SNTG2: variants seen among roughly 807,000 people sequenced by gnomAD.
The protein encoded by SNTG2 is gamma-2-syntrophin.
Under a neutral mutation model 70.9 loss-of-function variants are expected in SNTG2, and 74 were observed. The ratio of observed to expected loss-of-function variants is 1.04; its 90% CI spans 0.86 to 1.27. The LOEUF (loss-of-function observed/expected upper bound fraction) is 1.27, where lower values mean the gene tolerates loss of function less well. Ranked by LOEUF, SNTG2 falls within the 50% of genes most tolerant of loss-of-function variation. The pLI is 0.00. For synonymous variants in SNTG2, 278 were observed against 273.8 expected, an observed-to-expected ratio of 1.02 and a Z score of -0.15; for missense variants, 717 against 690.7, an observed-to-expected ratio of 1.04 and a Z score of -0.43.
At chr2:1,281,122 A>G (rs1297720482) in intron 14 of SNTG2, among the ~76,000 whole-genome samples, 2 of 151,826 alleles carry the variant, frequency 1.3e-5, no homozygotes, top group Non-Finnish European at 2.9e-5. Flanking sequence ...TCATGAGTGG[A>G]TAAAACCAAC....
chr2:1,188,128 A>G (rs1408276720), intron 8 of SNTG2, among the ~76,000 whole-genome samples: 2 of 152,246 alleles, frequency 1.3e-5, no homozygotes, highest in African/African-American at 2.4e-5. Context: ...CAGCGTGCTG[A>G]AAACAATAGC....
chr2:1,267,237 C>T, intron 13 of SNTG2, 128 bp from the exon 14 acceptor site: 1 of 804,286 alleles, frequency 1.2e-6, no homozygotes, highest in East Asian at 2.7e-5. Context: ...CTGAATTTGC[C>T]TCCTTGTCTG....
At chr2:991,083 C>T (rs1023883480) in intron 1 of SNTG2, among the ~76,000 whole-genome samples, 2 of 152,052 alleles carry the variant, frequency 1.3e-5, no homozygotes, top group East Asian at 3.9e-4. Context: ...TGATATATAT[C>T]TGGTCACACT....
chr2:1,079,676 T>C (rs946785990), intron 1 of SNTG2, among the ~76,000 whole-genome samples: 7 of 152,162 alleles, frequency 4.6e-5, no homozygotes, highest in African/African-American at 9.7e-5. Flanking sequence ...ATGGAAACTG[T>C]TCTCTGTGGA....
rs746712402 is a variant in SNTG2, at chr2:1,098,234, C to CT, written c.251dup (p.Leu84PhefsTer10). The stretch of plus-strand genomic sequence containing the variant: ...CACTCCGCAGACAGCCAGTTGGCGG[C>CT]TTGGGCCTGAGTATAAAGGTATGGA... On this transcript the variant is annotated frameshift_variant, in exon 3 of 17. Transcript: ENST00000308624. LOFTEE classifies it high-confidence loss of function. 8.1e-6 allele frequency: 13 copies of CT among 1,613,914 alleles called. No homozygotes were observed. Among genetic ancestry groups the CT allele is most frequent in the Non-Finnish European group, 1.1e-5 (13 of 1,179,908 alleles).
chr2:968,473 T>G (rs1266818333), intron 1 of SNTG2, among the ~76,000 whole-genome samples: 1 of 152,150 alleles, frequency 6.6e-6, no homozygotes, highest in Non-Finnish European at 1.5e-5. Flanking sequence ...CTTTTTGAAG[T>G]TCATTGATTT....
chr2:1,230,418 G>A (rs557237014), intron 9 of SNTG2, among the ~76,000 whole-genome samples: 4 of 152,232 alleles, frequency 2.6e-5, no homozygotes, highest in Admixed American at 6.5e-5. Context: ...AGAAGATTTC[G>A]GGACAGTTCT....
intron 1 of SNTG2, among the ~76,000 whole-genome samples, chr2:996,679 T>G (rs1214777546): frequency 1.2e-4 from 4 of 33,410 alleles, no homozygotes; most frequent in Non-Finnish European, 1.4e-4. Flanking sequence ...CCCAGTTTTT[T>G]TTTTTTTTTT....
intron 9 of SNTG2, among the ~76,000 whole-genome samples, chr2:1,229,503 T>G (rs977510405): frequency 3.3e-5 from 5 of 152,190 alleles, no homozygotes; most frequent in African/African-American, 9.7e-5. Flanking sequence ...GTTCTCCAAG[T>G]CCCCACCAGA....
chr2:1,045,900 T>G (rs1198171332), intron 1 of SNTG2, among the ~76,000 whole-genome samples: 3 of 152,172 alleles, frequency 2.0e-5, no homozygotes, highest in Admixed American at 1.3e-4. Flanking sequence ...TGGTCAAGTG[T>G]TGAGTTTAAA....
intron 14 of SNTG2, among the ~76,000 whole-genome samples, chr2:1,291,736 G>C (rs756237596): frequency 2.4e-4 from 36 of 152,138 alleles, no homozygotes; most frequent in Admixed American, 5.2e-4. Context: ...ACATTGTTTT[G>C]ATTAATGTAG....
chr2:974,132 G>A (rs549645318), intron 1 of SNTG2, among the ~76,000 whole-genome samples: 7 of 152,204 alleles, frequency 4.6e-5, no homozygotes, highest in African/African-American at 1.7e-4. Context: ...TTCTTTGGCC[G>A]GATGTTACCG....
chr2:1,220,501 C>G (rs971638376), intron 9 of SNTG2, among the ~76,000 whole-genome samples: 2 of 152,190 alleles, frequency 1.3e-5, no homozygotes, highest in Admixed American at 1.3e-4. Context: ...CTGGAGAGCC[C>G]CGGTCTGAGG....
intron 1 of SNTG2, among the ~76,000 whole-genome samples, chr2:1,019,089 G>A (rs985326737): frequency 6.6e-6 from 1 of 152,236 alleles, no homozygotes; most frequent in African/African-American, 2.4e-5. Context: ...GGGGGCAGCT[G>A]TGGAGGGTGT....
intron 8 of SNTG2, among the ~76,000 whole-genome samples, chr2:1,184,596 G>A (rs552772262): frequency 6.6e-6 from 1 of 152,132 alleles, no homozygotes; most frequent in Non-Finnish European, 1.5e-5. Flanking sequence ...AAGCAGGTGT[G>A]CCTTCACATG....
At chr2:1,103,263 TTTG>T (rs1665899469) in intron 4 of SNTG2, 1 of 218,988 alleles carries the variant, frequency 4.6e-6, no homozygotes, top group Non-Finnish European at 9.6e-6. Flanking sequence ...TAATGGGAAA[TTTG>T]TTAATATTAC....
chr2:1,019,591 T>G (rs1360556812), intron 1 of SNTG2, among the ~76,000 whole-genome samples: 1 of 152,156 alleles, frequency 6.6e-6, no homozygotes, highest in Non-Finnish European at 1.5e-5. Flanking sequence ...AAATGGAAAT[T>G]CATTGAAAAA....
At chr2:1,246,712 G>A (rs1419491689) in intron 11 of SNTG2, among the ~76,000 whole-genome samples, 2 of 136,192 alleles carry the variant, frequency 1.5e-5, no homozygotes, top group East Asian at 4.4e-4. Context: ...TAGATAACAT[G>A]GATTTTTCTT....
chr2:1,226,862 A>G (rs1328507837), intron 9 of SNTG2, among the ~76,000 whole-genome samples: 1 of 152,212 alleles, frequency 6.6e-6, no homozygotes, highest in Non-Finnish European at 1.5e-5. Flanking sequence ...TGAATTTTTA[A>G]CAGTAACTTC....
Sources: allele counts gnomAD v4.1 joint callset (sites outside exome capture counted in the v4.1 genomes callset), GRCh38; gene constraint gnomAD v4.1.1; transcripts MANE v1.5; gene names NCBI Gene and HGNC (gene_info 2026-07-23, HGNC 2026-07-21).